Variants in LINC00632 observed in about 807,000 individuals in gnomAD.
LINC00632 encodes the protein ALDOA related specific transcript.
At chrX:140,770,514 G>T (rs1476351402) in intron 3 of LINC00632, among the ~76,000 whole-genome samples, 1 of 111,992 alleles carries the variant, frequency 8.9e-6, no homozygotes, top group Admixed American at 9.5e-5. Flanking sequence ...TCCAGCCTGG[G>T]CGACAGAGTG....
intron 3 of LINC00632, among the ~76,000 whole-genome samples, chrX:140,737,741 T>C (rs901792780): frequency 6.3e-5 from 7 of 111,952 alleles, no homozygotes; most frequent in Non-Finnish European, 1.3e-4. Context: ...TTGTGCCTGG[T>C]TTATTTTACT....
At chrX:140,758,477 G>T (rs1444106354) in intron 3 of LINC00632, among the ~76,000 whole-genome samples, 1 of 106,151 alleles carries the variant, frequency 9.4e-6, no homozygotes. Flanking sequence ...AGGTTCAAGT[G>T]ATTCTCCTGC....
At chrX:140,728,389 C>G (rs1190203419) in intron 2 of LINC00632, among the ~76,000 whole-genome samples, 2 of 111,204 alleles carry the variant, frequency 1.8e-5, no homozygotes, top group East Asian at 5.7e-4. Flanking sequence ...TTCTGATGCA[C>G]AGATTTACCC....
chrX:140,711,532 A>G (rs1287984021), intron 1 of LINC00632: 8 of 234,647 alleles, frequency 3.4e-5, no homozygotes, highest in South Asian at 5.3e-5. Context: ...TTGAATGTTT[A>G]TATGTGCATT....
At chrX:140,721,691 C>T (rs985267384) in intron 2 of LINC00632, among the ~76,000 whole-genome samples, 3 of 110,927 alleles carry the variant, frequency 2.7e-5, no homozygotes, top group Non-Finnish European at 5.7e-5. Flanking sequence ...ACATGGCGTG[C>T]TCCATAATAC....
chrX:140,769,798 G>A (rs984898139), intron 3 of LINC00632, among the ~76,000 whole-genome samples: 1 of 110,897 alleles, frequency 9.0e-6, no homozygotes, highest in Non-Finnish European at 1.9e-5. Flanking sequence ...CCTTCCACCT[G>A]CTTGCCTTCT....
intron 3 of LINC00632, among the ~76,000 whole-genome samples, chrX:140,740,223 A>G (rs1931203948): frequency 9.0e-6 from 1 of 111,634 alleles, no homozygotes; most frequent in Non-Finnish European, 1.9e-5. Flanking sequence ...CTATGACTTC[A>G]ATGACTCTGT....
chrX:140,733,373 T>C (rs1206817220), intron 2 of LINC00632, among the ~76,000 whole-genome samples: 1 of 111,398 alleles, frequency 9.0e-6, no homozygotes, highest in Non-Finnish European at 1.9e-5. Context: ...AATATTTAAA[T>C]GCATGTCTAT....
At chrX:140,719,034 A>G (rs1008781386) in intron 2 of LINC00632, among the ~76,000 whole-genome samples, 8 of 111,998 alleles carry the variant, frequency 7.1e-5, no homozygotes, top group African/African-American at 2.6e-4. Context: ...ACTTGACTAC[A>G]ATTAACAGAC....
exon 4 of LINC00632, among the ~76,000 whole-genome samples, chrX:140,773,347 C>T (rs975514638): frequency 3.6e-5 from 4 of 112,138 alleles, no homozygotes; most frequent in African/African-American, 1.3e-4. Flanking sequence ...TGGCAATTTG[C>T]CTGAGCAGGT....
At chrX:140,731,091 C>T (rs958913750) in intron 2 of LINC00632, among the ~76,000 whole-genome samples, 7 of 110,536 alleles carry the variant, frequency 6.3e-5, no homozygotes, top group African/African-American at 2.0e-4. Flanking sequence ...CTGGTAAAGA[C>T]GGAGTTTCAT....
exon 5 of LINC00632, among the ~76,000 whole-genome samples, chrX:140,778,599 G>C: frequency 1.0e-5 from 1 of 96,850 alleles, no homozygotes; most frequent in African/African-American, 4.0e-5. Context: ...ATGAGACTCT[G>C]TCTAAACAAA....
At chrX:140,739,747 C>T (rs1931197143) in intron 3 of LINC00632, among the ~76,000 whole-genome samples, 1 of 110,164 alleles carries the variant, frequency 9.1e-6, no homozygotes, top group Admixed American at 9.8e-5. Flanking sequence ...CCTATTCAAC[C>T]ACCTTCTGGC....
chrX:140,782,143 G>A (rs1449257374), exon 5 of LINC00632, among the ~76,000 whole-genome samples: 1 of 112,135 alleles, frequency 8.9e-6, no homozygotes, highest in Admixed American at 9.5e-5. Flanking sequence ...CTTTTTAGCA[G>A]AAGAGATGAA....
At chrX:140,739,267 T>C (rs1468960142) in intron 3 of LINC00632, among the ~76,000 whole-genome samples, 3 of 110,871 alleles carry the variant, frequency 2.7e-5, no homozygotes, top group Non-Finnish European at 5.7e-5. Flanking sequence ...TTGCCCAGGC[T>C]GGAGTGCAAT....
chrX:140,715,841 G>A (rs979947256), intron 2 of LINC00632, among the ~76,000 whole-genome samples: 4 of 110,926 alleles, frequency 3.6e-5, no homozygotes, highest in Admixed American at 2.9e-4. Context: ...ATACATACTT[G>A]CCTCACAACT....
chrX:140,753,768 C>CTTTCT lies in LINC00632; in HGVS notation n.192-18307_192-18306insCTTTT, dbSNP rs1931447530. On this transcript the variant is annotated intron_variant and non_coding_transcript_variant, in intron 3 of 4. Transcript: ENST00000648200. The stretch of plus-strand genomic sequence containing the variant: ...TTTCTTTTCTTTTCTTTCTTTCTTT[C>CTTTCT]TTTTTTTTTTTTTTTTTTTTTTTTT... 1.0e-4 allele frequency among the ~76,000 whole-genome samples: 5 copies of CTTTCT among 49,729 alleles called. No homozygotes were observed. In the Admixed American group the frequency reaches 1.7e-3, roughly 17 times the overall value. 43.2% of individuals were successfully genotyped at this position (49,729 alleles called of 115,157 possible). A position where few individuals can be genotyped will look rare whatever the true frequency, so the allele number is the denominator to read the frequency against.
chrX:140,765,328 G>A (rs1024976227), intron 3 of LINC00632, among the ~76,000 whole-genome samples: 3 of 111,412 alleles, frequency 2.7e-5, no homozygotes, highest in Non-Finnish European at 5.7e-5. Context: ...CGTGGATTTT[G>A]GAGTAGCCCA....
At chrX:140,785,024 G>A (rs928733635) in exon 5 of LINC00632, among the ~76,000 whole-genome samples, 1 of 110,815 alleles carries the variant, frequency 9.0e-6, no homozygotes, top group East Asian at 2.8e-4. Flanking sequence ...TTTTTATACA[G>A]TTTACTATGT....
Sources: gnomAD v4.1 joint callset for allele counts (sites outside exome capture counted in the v4.1 genomes callset) on GRCh38, gnomAD v4.1.1 for gene constraint, MANE v1.5 for transcripts, NCBI Gene and HGNC (gene_info 2026-07-23, HGNC 2026-07-21) for gene names.